Variants in KIF6 observed in about 807,000 individuals in gnomAD.
KIF6 encodes the protein kinesin-like protein KIF6.
A neutral mutation model predicts 112.7 loss-of-function variants in KIF6; 106 were observed. That is an observed-to-expected ratio of 0.94 (90% CI 0.80 to 1.11). The LOEUF (loss-of-function observed/expected upper bound fraction) is 1.11, where lower values mean the gene tolerates loss of function less well. KIF6 is among the 50% of genes least tolerant of loss of function. KIF6 has a pLI of 0.00. For synonymous variants in KIF6, 339 were observed against 339.9 expected, an observed-to-expected ratio of 1.00 and a Z score of 0.03; for missense variants, 929 against 964.0, an observed-to-expected ratio of 0.96 and a Z score of 0.48.
At chr6:39,541,629 G>A (rs1778794112) in intron 12 of KIF6, among the ~76,000 whole-genome samples, 1 of 152,302 alleles carries the variant, frequency 6.6e-6, no homozygotes, top group African/African-American at 2.4e-5. Flanking sequence ...CGAAGCAGAC[G>A]TCCTACTGGG....
chr6:39,687,782 C>G (rs950898869), intron 3 of KIF6, among the ~76,000 whole-genome samples: 1 of 152,148 alleles, frequency 6.6e-6, no homozygotes, highest in Non-Finnish European at 1.5e-5. Flanking sequence ...AGCCATGCAA[C>G]CTTTGCAGGT....
intron 13 of KIF6, among the ~76,000 whole-genome samples, chr6:39,528,284 G>A (rs1048820751): frequency 6.6e-6 from 1 of 152,084 alleles, no homozygotes; most frequent in African/African-American, 2.4e-5. Context: ...GTCACAAATG[G>A]CAAAAAGTCT....
intron 9 of KIF6, 47 bp downstream of exon 9, chr6:39,584,851 T>C (rs1209956702): frequency 8.4e-7 from 1 of 1,190,220 alleles, no homozygotes; most frequent in African/African-American, 1.5e-5. Flanking sequence ...AGCTAATCTT[T>C]GATATACTTT....
chr6:39,390,136 G>A (rs939027176), intron 15 of KIF6, among the ~76,000 whole-genome samples: 12 of 151,632 alleles, frequency 7.9e-5, no homozygotes, highest in African/African-American at 2.9e-4. Flanking sequence ...GCTAACCAAC[G>A]TCTCTAACCT....
intron 3 of KIF6, among the ~76,000 whole-genome samples, chr6:39,644,561 A>G (rs780695376): frequency 7.2e-5 from 11 of 152,180 alleles, no homozygotes; most frequent in Admixed American, 2.0e-4. Flanking sequence ...CCAGTCAAAA[A>G]AGATGATATA....
In KIF6 at chr6:39,623,853, C is replaced by T. The variant is rs142129007; in HGVS notation, c.510-10535G>A. On this transcript the variant is annotated intron_variant, in intron 5 of 22. Coordinates refer to ENST00000287152, the MANE Select transcript of KIF6 (RefSeq NM_145027.6). ...CCAGATAACTCCTCCAGCCATCTGA[C>T]GTAATCTCTTCACTTCCCTCACCTA... Among the ~76,000 whole-genome samples the T allele has an allele frequency of 2.8e-3, 433 of 152,260 alleles. 4 individuals carry two copies. The highest frequency in any genetic ancestry group is 9.9e-3 in the African/African-American group (412 of 41,562).
intron 13 of KIF6, among the ~76,000 whole-genome samples, chr6:39,539,340 GTATTATTATTT>G (rs1350334239): frequency 1.3e-5 from 2 of 151,868 alleles, no homozygotes; most frequent in Non-Finnish European, 1.5e-5. Context: ...TAAGTCTGTG[GTATTATTATTT>G]TATTATTTTT....
chr6:39,653,121 C>A (rs560320046), intron 3 of KIF6, among the ~76,000 whole-genome samples: 8 of 152,300 alleles, frequency 5.3e-5, no homozygotes, highest in African/African-American at 1.9e-4. Context: ...CATTTGTTCT[C>A]ATCTTAAAAC....
Position 39,725,248 on chromosome 6 carries a change from T to C in KIF6, c.63A>G (p.Gln21=). The C allele has an allele frequency of 1.2e-6, 2 of 1,609,314 alleles. No individual in the cohort carries two copies. The highest frequency in any genetic ancestry group is 4.5e-5 in the East Asian group (2 of 44,324). Residue 21 remains glutamine, a synonymous_variant, in exon 1 of 23, where the codon CAA becomes CAG. Coordinates refer to ENST00000287152, the MANE Select transcript of KIF6 (RefSeq NM_145027.6). ...RVKPPVRKHQ[Q]GIYSIDEDEK... ...CCCCGGAGGCTCCAGCCCGTACCCCTTGTTGGTGCTTCCGGACAGGGGGCT... is the reference window on the plus strand; with the variant it reads ...CCCCGGAGGCTCCAGCCCGTACCCCCTGTTGGTGCTTCCGGACAGGGGGCT...
chr6:39,542,068 G>A (rs572898996), intron 12 of KIF6, among the ~76,000 whole-genome samples: 14 of 152,166 alleles, frequency 9.2e-5, no homozygotes, highest in Non-Finnish European at 1.8e-4. Context: ...TGAGGTCCGT[G>A]GGGGAGGGGA....
intron 16 of KIF6, among the ~76,000 whole-genome samples, chr6:39,379,860 G>A (rs1482942588): frequency 6.6e-6 from 1 of 152,228 alleles, no homozygotes; most frequent in East Asian, 1.9e-4. Context: ...TACTGGCCTT[G>A]CATCCACAGC....
Position 39,586,319 on chromosome 6 carries a change from C to T in KIF6, c.932G>A (p.Gly311Glu), listed in dbSNP as rs138804732. The part of the protein sequence containing the change: ...MMTSVLRDSL[G>E]GNCMTTMIAT... ...AATCATAGTTGTCATGCAGTTCCCT[C>T]CCAAACTGTCTCTTAGGACACTGGT... Residue 311 changes from glycine (G) to glutamate (E), a missense_variant, in exon 8 of 23, where the codon GGA (glycine) becomes GAA (glutamate). Physicochemically the swap from Gly to Glu is moderately conservative, Grantham distance 98. Around this residue, in one of 2 missense-constraint regions of KIF6, gnomAD observed 688 missense variants for 662.7 expected, o/e 1.04. Coordinates refer to ENST00000287152, the MANE Select transcript of KIF6 (RefSeq NM_145027.6). 4.3e-6 allele frequency: 7 copies of T among 1,614,068 alleles called. No homozygotes were observed. The Admixed American group carries it at 1.2e-4, about 27-fold the overall frequency.
chr6:39,508,473 G>A (rs1277049814), intron 13 of KIF6, among the ~76,000 whole-genome samples: 1 of 152,190 alleles, frequency 6.6e-6, no homozygotes, highest in East Asian at 1.9e-4. Context: ...AAAGCTGTGA[G>A]TGACTGTATT....
intron 13 of KIF6, among the ~76,000 whole-genome samples, chr6:39,522,405 T>C (rs1213526084): frequency 3.9e-5 from 6 of 152,194 alleles, no homozygotes; most frequent in African/African-American, 1.4e-4. Flanking sequence ...ACAGTTTTCC[T>C]ACCCACCTAA....
chr6:39,540,329 T>C lies in KIF6; in HGVS notation c.1427-108A>G, dbSNP rs147578327. 8.7e-4 allele frequency: 654 copies of C among 749,216 alleles called. 8 individuals are homozygous for C. The East Asian group carries it at 0.015, about 18-fold the overall frequency. The allele number at this position is 749,216 out of a possible 1,614,324, so 46.4% of individuals were successfully genotyped here. A position where few individuals can be genotyped will look rare whatever the true frequency, so the allele number is the denominator to read the frequency against. ...CTAACATTTGCTATTTATCATGTGGTAAAGACTGAAGGAAGGCTTCAACTT... is the reference window on the plus strand; with the variant it reads ...CTAACATTTGCTATTTATCATGTGGCAAAGACTGAAGGAAGGCTTCAACTT... On this transcript the variant is annotated intron_variant, in intron 12 of 22. Transcript: ENST00000287152.
intron 13 of KIF6, among the ~76,000 whole-genome samples, chr6:39,446,128 T>C (rs895614103): frequency 6.6e-6 from 1 of 152,228 alleles, no homozygotes; most frequent in African/African-American, 2.4e-5. Context: ...GGTTGAGTGC[T>C]GGTTTCGACT....
rs559862749 is a variant in KIF6, at chr6:39,583,808, A to G, written c.1077+1090T>C. 7.3e-5 allele frequency among the ~76,000 whole-genome samples: 11 copies of G among 149,694 alleles called. 1 individual carries two copies. The South Asian group carries it at 1.5e-3, about 20-fold the overall frequency. ...GATGCAATCTTAATTATGGAATTTG[A>G]TACAATTGAGATAGTTTAACATTTT... On this transcript the variant is annotated intron_variant, in intron 9 of 22. Transcript: ENST00000287152.
At chr6:39,532,091 G>A (rs1231784670) in intron 13 of KIF6, among the ~76,000 whole-genome samples, 1 of 152,108 alleles carries the variant, frequency 6.6e-6, no homozygotes, top group East Asian at 1.9e-4. Context: ...CTTAACCGGA[G>A]GTTGGCTTCC....
intron 22 of KIF6, among the ~76,000 whole-genome samples, chr6:39,336,836 C>T (rs1358548987): frequency 6.6e-6 from 1 of 151,704 alleles, no homozygotes; most frequent in African/African-American, 2.4e-5. Flanking sequence ...GAGTCTCGCT[C>T]TGTCACCGAG....
Sources: gnomAD v4.1 joint callset for allele counts (sites outside exome capture counted in the v4.1 genomes callset) on GRCh38, gnomAD v4.1.1 for gene constraint, gnomAD v4.1.1 regional missense constraint, MANE v1.5 for transcripts, NCBI Gene and HGNC (gene_info 2026-07-23, HGNC 2026-07-21) for gene names.